The following JADE1 variants were observed in gnomAD, a reference collection of about 807,000 sequenced individuals.
JADE1 encodes protein Jade-1.
JADE1 carries 14 observed loss-of-function variants against 81.8 expected under a neutral mutation model. That is an observed-to-expected ratio of 0.17 (90% CI 0.11 to 0.27). The LOEUF (loss-of-function observed/expected upper bound fraction) is 0.27. Among genes scored for constraint, JADE1 ranks in the 10% least tolerant of loss-of-function variants. JADE1 has a pLI of 1.00. For synonymous variants in JADE1, 353 were observed against 391.9 expected, an observed-to-expected ratio of 0.90 and a Z score of 1.17; for missense variants, 690 against 1,047.9, an observed-to-expected ratio of 0.66 and a Z score of 4.71.
At chr4:128,859,456 T>C (rs1419590089) in intron 8 of JADE1, among the ~76,000 whole-genome samples, 1 of 152,008 alleles carries the variant, frequency 6.6e-6, no homozygotes, top group Non-Finnish European at 1.5e-5. Context: ...TGCGCGTGAG[T>C]GCGTGAGTAT....
rs1040641040 is a variant in JADE1 at position 128,862,603 on chromosome 4, A to G, written c.1503+378A>G. On this transcript the variant is annotated intron_variant, in intron 9 of 10. Transcript: ENST00000226319. ...CAGGATGGTTTACAGACTGATTTAG[A>G]AAACCAGAACGGATTTCATTTCTAA... 1.7e-5 allele frequency: 18 copies of G among 1,045,190 alleles called. No homozygotes were observed. The African/African-American group carries it at 2.9e-4, about 17-fold the overall frequency. The allele number at this position is 1,045,190 out of a possible 1,614,324, so 64.7% of individuals were successfully genotyped here. A position where few individuals can be genotyped will look rare whatever the true frequency, so the allele number is the denominator to read the frequency against.
At chr4:128,821,879 G>A (rs189224760) in intron 1 of JADE1, among the ~76,000 whole-genome samples, 301 of 151,920 alleles carry the variant, frequency 2.0e-3, no homozygotes, top group African/African-American at 6.9e-3. Context: ...TATTATTATT[G>A]CATATATTTT....
chr4:128,848,963 G>A lies in JADE1; in HGVS notation c.297-17G>A. 1 of 1,611,922 alleles carries A rather than the reference G, an allele frequency of 6.2e-7. No individual in the cohort carries two copies. Among genetic ancestry groups the A allele is most frequent in the South Asian group, 1.1e-5 (1 of 90,670 alleles). ...GCTGAAAGGGTAACCTGGCTGCCTTGTTTTTTTATTATCCAGGGTTGTGTC... is the reference window on the plus strand; with the variant it reads ...GCTGAAAGGGTAACCTGGCTGCCTTATTTTTTTATTATCCAGGGTTGTGTC... On this transcript the variant is annotated splice_polypyrimidine_tract_variant and intron_variant, in intron 4 of 10. Transcript: ENST00000226319.
At chr4:128,823,333 A>G (rs1270076276) in intron 1 of JADE1, among the ~76,000 whole-genome samples, 2 of 152,242 alleles carry the variant, frequency 1.3e-5, no homozygotes, top group African/African-American at 2.4e-5. Flanking sequence ...CAAATTTAAA[A>G]TTCCTTAAAG....
chr4:128,863,547 A>C, intron 9 of JADE1: 1 of 985,456 alleles, frequency 1.0e-6, no homozygotes, highest in Non-Finnish European at 1.2e-6. Context: ...ACTGAGTGCC[A>C]GCTTATTTGT....
intron 6 of JADE1, among the ~76,000 whole-genome samples, chr4:128,855,045 A>G (rs1579207046): frequency 6.6e-6 from 1 of 151,998 alleles, no homozygotes; most frequent in East Asian, 1.9e-4. Context: ...GTTCACTGGG[A>G]GAGTGCTGGG....
chr4:128,855,732 G>T lies in JADE1; in HGVS notation c.799G>T (p.Ala267Ser). Residue 267 changes from alanine to serine, a missense_variant, in exon 7 of 11, where the codon GCT (alanine) becomes TCT (serine). Transcript: ENST00000226319. ...TCTGCTGTGTCCGAAGAAGGGTGGA[G>T]CTATGAAGCCCACCCGTAGCGGAAC... is the stretch of plus-strand genomic sequence containing the variant. ...KCLLCPKKGGAMKPTRSGTKW... is the reference protein window; with the variant it reads ...KCLLCPKKGGSMKPTRSGTKW... 1 of 1,614,146 alleles carries T rather than the reference G, an allele frequency of 6.2e-7. No homozygotes were observed. Among genetic ancestry groups the T allele is most frequent in the Non-Finnish European group, 8.5e-7 (1 of 1,179,962 alleles).
chr4:128,848,749 G>C (rs1730088741), intron 4 of JADE1, among the ~76,000 whole-genome samples: 1 of 152,190 alleles, frequency 6.6e-6, no homozygotes, highest in Admixed American at 6.6e-5. Flanking sequence ...AGGGTCCCGG[G>C]AAGCAGATTT....
chr4:128,830,762 G>A (rs946218884), intron 1 of JADE1, among the ~76,000 whole-genome samples: 2 of 152,152 alleles, frequency 1.3e-5, no homozygotes, highest in Admixed American at 6.5e-5. Flanking sequence ...TTTTGTATTT[G>A]TTTAGAGAGC....
At chr4:128,868,450 C>G (rs934476467) in intron 10 of JADE1, among the ~76,000 whole-genome samples, 1 of 152,154 alleles carries the variant, frequency 6.6e-6, no homozygotes. Flanking sequence ...AGATAATGTT[C>G]ACAGTAGATT....
chr4:128,829,859 C>G (rs770423402), intron 1 of JADE1, among the ~76,000 whole-genome samples: 2 of 151,616 alleles, frequency 1.3e-5, no homozygotes, highest in Non-Finnish European at 2.9e-5. Flanking sequence ...CTTTCTTGTT[C>G]TATCACAGTG....
rs1329129799 is a variant in JADE1 at position 128,855,704 on chromosome 4, A to G, written c.771A>G (p.Lys257=). ...CATGTGCCCTGGGGGTTCAGCCAAA[A>G]TGTCTGCTGTGTCCGAAGAAGGGTG... ...CRTCALGVQP[K]CLLCPKKGGA... Residue 257 remains lysine, a synonymous_variant, in exon 7 of 11, where the codon AAA becomes AAG. Coordinates refer to ENST00000226319, the MANE Select transcript of JADE1 (RefSeq NM_199320.4). 1.2e-6 allele frequency: 2 copies of G among 1,614,040 alleles called. No homozygotes were observed. Among genetic ancestry groups the G allele is most frequent in the African/African-American group, 2.7e-5 (2 of 74,930 alleles).
intron 1 of JADE1, among the ~76,000 whole-genome samples, chr4:128,826,655 C>T (rs1318813525): frequency 6.6e-6 from 1 of 151,954 alleles, no homozygotes; most frequent in African/African-American, 2.4e-5. Context: ...CCTGCCTCGG[C>T]CTCCCAAAGT....
intron 9 of JADE1, chr4:128,862,431 C>A: frequency 7.3e-7 from 1 of 1,374,786 alleles, no homozygotes; most frequent in Non-Finnish European, 9.4e-7. Context: ...TGGGGAGCTT[C>A]TTTGTGGTTT....
intron 8 of JADE1, among the ~76,000 whole-genome samples, chr4:128,859,482 T>C (rs958824375): frequency 1.3e-5 from 2 of 151,498 alleles, no homozygotes; most frequent in Non-Finnish European, 3.0e-5. Flanking sequence ...TGAGTATGCA[T>C]GTGAGTATGC....
chr4:128,858,754 C>T (rs1218714726), intron 8 of JADE1, among the ~76,000 whole-genome samples: 2 of 152,080 alleles, frequency 1.3e-5, no homozygotes, highest in South Asian at 4.2e-4. Flanking sequence ...AGGCGCGCAC[C>T]AGCAAGCCCG....
rs141808337 is a variant in JADE1, at chr4:128,871,655, G to A, written c.1922G>A (p.Arg641His). 20,982 of 1,614,188 alleles carry A rather than the reference G, an allele frequency of 0.013. 174 individuals are homozygous for A. Among genetic ancestry groups the A allele is most frequent in the Middle Eastern group, 0.024 (143 of 6,062 alleles). Residue 641 changes from arginine to histidine, a missense_variant, in exon 11 of 11, where the codon CGT (arginine) becomes CAT (histidine). Transcript: ENST00000226319. The surrounding 1 kb of genome is among the most constrained non-coding windows in gnomAD (Gnocchi z 4.1). ...LGLEKTFAEA[R>H]LISAQQKNGV... ...TTAGAAAAGACCTTTGCAGAAGCACGTCTCATATCAGCACAACAGAAAAAT... is the reference window on the plus strand; with the variant it reads ...TTAGAAAAGACCTTTGCAGAAGCACATCTCATATCAGCACAACAGAAAAAT...
intron 2 of JADE1, among the ~76,000 whole-genome samples, chr4:128,833,190 G>A (rs1195409294): frequency 6.6e-6 from 1 of 152,086 alleles, no homozygotes; most frequent in African/African-American, 2.4e-5. Context: ...GAGCCTTTGG[G>A]ATGCCACCTT....
In JADE1 at chr4:128,873,236, A is replaced by G. The variant is rs1732321193; in HGVS notation, c.*974A>G. Reference sequence around the variant, plus strand: ...TAGGGAATCTGGGCTTCCAACATGAATGGATTCCTTAAGAAAAAGGAAAAA... The same window carrying G: ...TAGGGAATCTGGGCTTCCAACATGAGTGGATTCCTTAAGAAAAAGGAAAAA... On this transcript the variant is annotated 3_prime_UTR_variant, in exon 11 of 11. Transcript: ENST00000226319. The G allele has an allele frequency of 6.9e-6, 1 of 145,594 alleles. No individual in the cohort carries two copies. 9.0% of individuals were successfully genotyped at this position (145,594 alleles called of 1,614,324 possible). A position where few individuals can be genotyped will look rare whatever the true frequency, so the allele number is the denominator to read the frequency against.
Sources: gnomAD v4.1 joint callset for allele counts (sites outside exome capture counted in the v4.1 genomes callset) on GRCh38, gnomAD v4.1.1 for gene constraint, Gnocchi (gnomAD v3.1) non-coding constraint, MANE v1.5 for transcripts, NCBI Gene and HGNC (gene_info 2026-07-23, HGNC 2026-07-21) for gene names.